Variants in CENPP observed in about 807,000 individuals in gnomAD.
CENPP encodes centromere protein P.
In CENPP, 24 loss-of-function variants were observed where a neutral mutation model predicts 35.6. That is an observed-to-expected ratio of 0.67 (90% CI 0.49 to 0.95). CENPP has a LOEUF of 0.95. CENPP is among the 40% of genes least tolerant of loss of function. CENPP has a pLI of 0.00. For synonymous variants in CENPP, 120 were observed against 125.5 expected (o/e 0.96, Z 0.29); for missense variants, 332 against 345.3 (o/e 0.96, Z 0.31).
At chr9:92,578,061 G>A (rs1396897762) in intron 5 of CENPP, among the ~76,000 whole-genome samples, 2 of 149,972 alleles carry the variant, frequency 1.3e-5, no homozygotes, top group Non-Finnish European at 3.0e-5. Context: ...TTGGTTTTTT[G>A]TTCTTGCAAT....
chr9:92,387,565 C>T (rs1380755846), intron 5 of CENPP, among the ~76,000 whole-genome samples: 1 of 151,864 alleles, frequency 6.6e-6, no homozygotes, highest in Non-Finnish European at 1.5e-5. Context: ...AATATGTATC[C>T]TGTGGTAGAT....
intron 5 of CENPP, among the ~76,000 whole-genome samples, chr9:92,503,917 T>G (rs1251539626): frequency 6.6e-6 from 1 of 152,164 alleles, no homozygotes; most frequent in Non-Finnish European, 1.5e-5. Context: ...CATGGTTAAG[T>G]GAGGCAGGTG....
chr9:92,396,911 C>T (rs758172259), intron 5 of CENPP, among the ~76,000 whole-genome samples: 2 of 152,014 alleles, frequency 1.3e-5, no homozygotes, highest in Non-Finnish European at 2.9e-5. Flanking sequence ...TGCAATGGCT[C>T]ATATATGTAA....
chr9:92,343,710 C>T (rs762748458), intron 3 of CENPP, among the ~76,000 whole-genome samples: 2 of 152,104 alleles, frequency 1.3e-5, no homozygotes, highest in Non-Finnish European at 2.9e-5. Flanking sequence ...CTGAGGGAAG[C>T]CAAGGCAGGA....
intron 5 of CENPP, among the ~76,000 whole-genome samples, chr9:92,453,493 A>G (rs1844777688): frequency 6.6e-6 from 1 of 152,166 alleles, no homozygotes; most frequent in South Asian, 2.1e-4. Context: ...GTTCTTTTAC[A>G]TTTGCTGAGG....
chr9:92,348,690 C>A (rs1347007501), intron 4 of CENPP, among the ~76,000 whole-genome samples: 1 of 152,222 alleles, frequency 6.6e-6, no homozygotes, highest in Non-Finnish European at 1.5e-5. Flanking sequence ...CCGCACCTGA[C>A]CCTTTAACAT....
At position 92,547,205 on chromosome 9, in the gene CENPP, T is replaced by TAAAGAAAGCA. The variant is rs760384309; in HGVS notation, c.565-64106_565-64097dup. Among the ~76,000 whole-genome samples, 164 of 152,198 alleles carry TAAAGAAAGCA rather than the reference T, an allele frequency of 1.1e-3. 2 individuals are homozygous for TAAAGAAAGCA. The highest frequency in any genetic ancestry group is 1.0e-3 in the Non-Finnish European group (69 of 68,002). ...ACAGCCATTAGTGTTTTAAAAAGAATAAAGAAAGCAAATGTTTACCATAGT... is the reference window on the plus strand; with the variant it reads ...ACAGCCATTAGTGTTTTAAAAAGAATAAAGAAAGCAAAAGAAAGCAAATGTTTACCATAGT... On this transcript the variant is annotated intron_variant, in intron 5 of 7. Coordinates refer to ENST00000375587, the MANE Select transcript of CENPP (RefSeq NM_001012267.3).
rs141628937 is a variant in CENPP, at chr9:92,532,109, A to G, written c.565-79205A>G. Among the ~76,000 whole-genome samples the G allele has an allele frequency of 2.1e-5, 3 of 141,822 alleles. No homozygotes were observed. In the Admixed American group the frequency reaches 2.1e-4, roughly 10 times the overall value. The allele number at this position is 141,822 out of a possible 152,430, so 93.0% of individuals were successfully genotyped here. A position where few individuals can be genotyped will look rare whatever the true frequency, so the allele number is the denominator to read the frequency against. On this transcript the variant is annotated intron_variant, in intron 5 of 7. Transcript: ENST00000375587. ...TCCCTAGGCTAAAGCGATCCACCTG[A>G]CTCAACCTTTCGAGTAGCTGGGACT...
intron 4 of CENPP, among the ~76,000 whole-genome samples, chr9:92,366,971 G>A (rs899698712): frequency 2.0e-5 from 3 of 152,180 alleles, no homozygotes; most frequent in Non-Finnish European, 1.5e-5. Flanking sequence ...CAGTCAAAAC[G>A]CAGGTGTACA....
At chr9:92,431,731 C>T (rs1844114367) in intron 5 of CENPP, among the ~76,000 whole-genome samples, 1 of 152,010 alleles carries the variant, frequency 6.6e-6, no homozygotes, top group South Asian at 2.1e-4. Context: ...CCTGCCACCA[C>T]GCCTGGCTAA....
intron 5 of CENPP, chr9:92,416,852 A>G (rs781234688): frequency 4.3e-6 from 7 of 1,613,838 alleles, no homozygotes; most frequent in Admixed American, 1.7e-5. Flanking sequence ...AGACAGATAC[A>G]TAAGTGAAGA....
chr9:92,591,933 A>AT (rs142526043), intron 5 of CENPP, among the ~76,000 whole-genome samples: 6,044 of 152,192 alleles, frequency 0.04, 185 homozygotes, highest in South Asian at 0.097. Context: ...ATACTGTCTT[A>AT]TTTTTTAACT....
At position 92,502,587 on chromosome 9, in the gene CENPP, C is replaced by A. The variant is rs777478606; in HGVS notation, c.565-108727C>A. On this transcript the variant is annotated intron_variant, in intron 5 of 7. Transcript: ENST00000375587. ...TATAACGTAGTACAATGACATTGATCTTTCTGGTATGATTGAAACAAATTT... is the reference window on the plus strand; with the variant it reads ...TATAACGTAGTACAATGACATTGATATTTCTGGTATGATTGAAACAAATTT... 23 of 1,610,844 alleles carry A rather than the reference C, an allele frequency of 1.4e-5. No homozygotes were observed. In the South Asian group the frequency reaches 2.3e-4, roughly 16 times the overall value.
At chr9:92,337,319 G>GA (rs745533499) in intron 2 of CENPP, among the ~76,000 whole-genome samples, 1,581 of 140,782 alleles carry the variant, frequency 0.011, 13 homozygotes, top group Non-Finnish European at 0.016. Context: ...ACTCCTTCTG[G>GA]AAAAAAAAAA....
intron 5 of CENPP, among the ~76,000 whole-genome samples, chr9:92,483,456 C>T (rs1451321249): frequency 6.6e-6 from 1 of 152,138 alleles, no homozygotes; most frequent in Non-Finnish European, 1.5e-5. Flanking sequence ...TCTCGATCTC[C>T]TGACCTCGTG....
chr9:92,514,209 ACCTCAGCCT>A (rs1385522471), intron 5 of CENPP, among the ~76,000 whole-genome samples: 3 of 143,104 alleles, frequency 2.1e-5, no homozygotes, highest in Non-Finnish European at 1.5e-5. Flanking sequence ...CCATTCCCCC[ACCTCAGCCT>A]CCTGAGTAGC....
chr9:92,369,806 T>G (rs1841968380), intron 4 of CENPP, among the ~76,000 whole-genome samples: 1 of 152,242 alleles, frequency 6.6e-6, no homozygotes, highest in Non-Finnish European at 1.5e-5. Context: ...CTTTTCCAAT[T>G]GGGATGCCTT....
rs550440756 is a variant in CENPP at position 92,505,232 on chromosome 9, T to C, written c.565-106082T>C. 2.0e-4 allele frequency among the ~76,000 whole-genome samples: 30 copies of C among 152,246 alleles called. No homozygotes were observed. In the East Asian group the frequency reaches 3.7e-3, roughly 19 times the overall value. On this transcript the variant is annotated intron_variant, in intron 5 of 7. Transcript: ENST00000375587. ...GGGGCAGTTTACACTGTCTTGAGAG[T>C]CAGAGTACCTCATGGAAGTTGTGGT... is the stretch of plus-strand genomic sequence containing the variant.
chr9:92,446,812 T>TAA (rs34507432), intron 5 of CENPP, among the ~76,000 whole-genome samples: 6,919 of 126,410 alleles, frequency 0.055, 251 homozygotes, highest in South Asian at 0.12. Flanking sequence ...CTCTGTCTCT[T>TAA]AAAAAAAAAA....
Sources: gnomAD v4.1 joint callset for allele counts (sites outside exome capture counted in the v4.1 genomes callset) on GRCh38, gnomAD v4.1.1 for gene constraint, MANE v1.5 for transcripts, NCBI Gene and HGNC (gene_info 2026-07-23, HGNC 2026-07-21) for gene names.